The following CPSF4L variants were observed in gnomAD, a reference collection of about 807,000 sequenced individuals.
CPSF4L encodes putative cleavage and polyadenylation specificity factor subunit 4-like protein.
In CPSF4L, 18 loss-of-function variants were observed where a neutral mutation model predicts 24.0. That is an observed-to-expected ratio of 0.75 (90% CI 0.52 to 1.11). The LOEUF is 1.11. Ranked by LOEUF, CPSF4L falls within the 50% of genes least tolerant of loss-of-function variation. CPSF4L has a pLI of 0.00. For synonymous variants in CPSF4L, 72 were observed against 77.2 expected, an observed-to-expected ratio of 0.93 and a Z score of 0.35; for missense variants, 211 against 221.8, an observed-to-expected ratio of 0.95 and a Z score of 0.31.
chr17:73,243,505 A>C (rs991288281), downstream of CPSF4L, among the ~76,000 whole-genome samples: 7 of 148,416 alleles, frequency 4.7e-5, no homozygotes, highest in African/African-American at 1.7e-4. Context: ...ATAAGATTTG[A>C]CTAGAATTTA....
chr17:73,259,280 C>G (rs774764978), intron 2 of CPSF4L, among the ~76,000 whole-genome samples: 8 of 152,028 alleles, frequency 5.3e-5, no homozygotes, highest in Non-Finnish European at 1.2e-4. Context: ...CTAAGCAGGT[C>G]CAGCCTCATG....
chr17:73,247,429 T>G (rs1400195773), downstream of CPSF4L: 1 of 1,306,990 alleles, frequency 7.7e-7, no homozygotes, highest in African/African-American at 1.5e-5. Context: ...CTGTAACACC[T>G]AAGTGTAGTG....
chr17:73,262,629 C>A (rs1299441398), upstream of CPSF4L, among the ~76,000 whole-genome samples: 1 of 152,212 alleles, frequency 6.6e-6, no homozygotes, highest in Non-Finnish European at 1.5e-5. Flanking sequence ...ACCACCCCTG[C>A]CTGCAGGGCT....
chr17:73,252,476 A>T (rs575649802), intron 5 of CPSF4L, among the ~76,000 whole-genome samples, 154 bp downstream of exon 5: 1 of 152,204 alleles, frequency 6.6e-6, no homozygotes, highest in Non-Finnish European at 1.5e-5. Flanking sequence ...TGAGATTGCC[A>T]GGGTCAGGCA....
chr17:73,261,677 AG>A (rs2062046947), intron 1 of CPSF4L, 38 bp downstream of exon 1: 3 of 1,339,768 alleles, frequency 2.2e-6, no homozygotes, highest in Non-Finnish European at 3.1e-6. Flanking sequence ...AAAAAAACAG[AG>A]AAGGTAGGGG....
downstream of CPSF4L, chr17:73,248,316 T>G (rs1599407413): frequency 1.6e-6 from 1 of 613,218 alleles, no homozygotes; most frequent in Non-Finnish European, 2.9e-6. Flanking sequence ...TGAGGCGGGG[T>G]AACTACTCAT....
chr17:73,254,938 G>A (rs1022089099), intron 3 of CPSF4L, among the ~76,000 whole-genome samples: 3 of 151,994 alleles, frequency 2.0e-5, no homozygotes, highest in South Asian at 2.1e-4. Flanking sequence ...CACCACGCCC[G>A]GACCCAGGTG....
upstream of CPSF4L, chr17:73,261,954 G>A: frequency 1.5e-6 from 1 of 656,366 alleles, no homozygotes; most frequent in South Asian, 1.8e-5. Flanking sequence ...CCAGGTGACT[G>A]CAGGGGACGC....
chr17:73,261,693 A>G lies in CPSF4L; in HGVS notation c.103+23T>C, dbSNP rs199810355. 3,803 of 1,446,380 alleles carry G rather than the reference A, an allele frequency of 2.6e-3. 9 individuals are homozygous for G. Among genetic ancestry groups the G allele is most frequent in the Non-Finnish European group, 3.2e-3 (3,373 of 1,051,482 alleles). The allele number at this position is 1,446,380 out of a possible 1,614,324, so 89.6% of individuals were successfully genotyped here. On this transcript the variant is annotated intron_variant, in intron 1 of 5. Transcript: ENST00000344935. ...AAAAAACAGAGAAGGTAGGGGAGGG[A>G]AAGTGGCCCCACCCTCACTCACTGT... is the stretch of plus-strand genomic sequence containing the variant.
rs934174060 is a variant in CPSF4L, at chr17:73,254,210, A to C, written c.308-184T>G. On this transcript the variant is annotated intron_variant, in intron 3 of 5. Coordinates refer to ENST00000344935, the MANE Select transcript of CPSF4L (RefSeq NM_001129885.1). Reference sequence around the variant, plus strand: ...CTGCAGTCTAAAAAGGGTGGATCCCAGTCCTATTTGCTAAGCAGGGCATGG... The same window carrying C: ...CTGCAGTCTAAAAAGGGTGGATCCCCGTCCTATTTGCTAAGCAGGGCATGG... Among the ~76,000 whole-genome samples the C allele has an allele frequency of 1.2e-4, 19 of 152,348 alleles. No homozygotes were observed. The East Asian group carries it at 3.5e-3, about 28-fold the overall frequency.
At position 73,251,189 on chromosome 17, in the gene CPSF4L, G is replaced by A. The variant is rs1005194925; in HGVS notation, c.497+1441C>T. The A allele has an allele frequency of 1.2e-5, 17 of 1,367,232 alleles. No individual in the cohort carries two copies. The East Asian group carries it at 4.6e-4, about 37-fold the overall frequency. 84.7% of individuals were successfully genotyped at this position (1,367,232 alleles called of 1,614,324 possible). ...AACTTCACAGAGGGCCGGGACGCTG[G>A]CCATGCATTTAGGGTGAAACCAGGG... On this transcript the variant is annotated intron_variant, in intron 5 of 5. Coordinates refer to ENST00000344935, the MANE Select transcript of CPSF4L (RefSeq NM_001129885.1).
chr17:73,242,137 A>T, the CPSF4L span: 1 of 639,670 alleles, frequency 1.6e-6, no homozygotes, highest in Non-Finnish European at 2.7e-6. Context: ...GCACCTGTTT[A>T]GAATATGCTC....
At chr17:73,252,581 C>T (rs76140197) in intron 5 of CPSF4L, 49 bp downstream of exon 5, 95,248 of 1,170,688 alleles carry the variant, frequency 0.081, 4,533 homozygotes, top group Middle Eastern at 0.1. Context: ...AACTAGAAGG[C>T]CAGGCCTAGC....
intron 5 of CPSF4L, among the ~76,000 whole-genome samples, chr17:73,251,553 T>C (rs977270225): frequency 6.6e-6 from 1 of 152,206 alleles, no homozygotes; most frequent in East Asian, 1.9e-4. Context: ...TATTTTATAC[T>C]CTGCAGGCTA....
downstream of CPSF4L, among the ~76,000 whole-genome samples, chr17:73,243,789 T>G (rs2061895071): frequency 6.6e-6 from 1 of 152,166 alleles, no homozygotes; most frequent in Admixed American, 6.5e-5. Flanking sequence ...TGCCTCGGCC[T>G]CCCAAAGTGC....
At chr17:73,246,001 C>G (rs980382558), downstream of CPSF4L, among the ~76,000 whole-genome samples, 1 of 152,086 alleles carries the variant, frequency 6.6e-6, no homozygotes, top group African/African-American at 2.4e-5. Flanking sequence ...TCAAACTATT[C>G]AGTGTCTGAT....
chr17:73,248,358 G>T, downstream of CPSF4L: 1 of 786,704 alleles, frequency 1.3e-6, no homozygotes, highest in Non-Finnish European at 2.1e-6. Context: ...GAAAAAGAAC[G>T]TCTCTAACAT....
At chr17:73,248,293 T>A (rs539755244), downstream of CPSF4L, 461 of 578,750 alleles carry the variant, frequency 8.0e-4, no homozygotes, top group Non-Finnish European at 1.1e-3. Flanking sequence ...CAGAAGCCAG[T>A]ACGCTTCAGG....
intron 5 of CPSF4L, chr17:73,250,324 T>C (rs1350141143): frequency 4.5e-6 from 7 of 1,550,128 alleles, no homozygotes; most frequent in South Asian, 1.2e-5. Context: ...AAAAAGTGAA[T>C]GGCATGACTT....
Sources: gnomAD v4.1 joint callset for allele counts (sites outside exome capture counted in the v4.1 genomes callset) on GRCh38, gnomAD v4.1.1 for gene constraint, MANE v1.5 for transcripts, NCBI Gene and HGNC (gene_info 2026-07-23, HGNC 2026-07-21) for gene names.